FSTL5: variants seen among roughly 807,000 people sequenced by gnomAD.
The protein encoded by FSTL5 is follistatin-related protein 5.
FSTL5 carries 62 observed loss-of-function variants against 89.1 expected under a neutral mutation model. The observed-to-expected ratio is 0.70, with a 90% CI of 0.57 to 0.86. The LOEUF is 0.86. Among genes scored for constraint, FSTL5 ranks in the 40% least tolerant of loss-of-function variants. The probability of loss-of-function intolerance (pLI) is 0.00; values close to 1 mark genes in which losing one functional copy is unlikely to be tolerated. For synonymous variants in FSTL5, 383 were observed against 346.2 expected, an observed-to-expected ratio of 1.11 and a Z score of -1.18; for missense variants, 1,057 against 1,001.6, an observed-to-expected ratio of 1.06 and a Z score of -0.75.
chr4:161,977,639 A>AAATAATAATAATAATAATAATAAT (rs70937700), intron 3 of FSTL5, among the ~76,000 whole-genome samples: 2 of 101,242 alleles, frequency 2.0e-5, no homozygotes, highest in Non-Finnish European at 3.8e-5. Flanking sequence ...AAAAAAAAAA[A>AAATAATAATAATAATAATAATAAT]AATAATAATA....
intron 3 of FSTL5, among the ~76,000 whole-genome samples, chr4:161,926,288 G>A (rs1261123651): frequency 1.3e-5 from 2 of 151,796 alleles, no homozygotes; most frequent in African/African-American, 4.8e-5. Context: ...CTTTTCAACG[G>A]TCACATAATC....
chr4:162,111,534 T>C, intron 1 of FSTL5, 122 bp from the exon 2 acceptor site: 1 of 664,548 alleles, frequency 1.5e-6, no homozygotes, highest in Middle Eastern at 3.4e-4. Context: ...TGCTGGTAGT[T>C]GCCAAGGGAA....
At chr4:161,747,740 A>G (rs1308011849) in intron 6 of FSTL5, among the ~76,000 whole-genome samples, 1 of 152,202 alleles carries the variant, frequency 6.6e-6, no homozygotes, top group Non-Finnish European at 1.5e-5. Flanking sequence ...CAATGAGTGC[A>G]TTGCAGATGA....
intron 12 of FSTL5, among the ~76,000 whole-genome samples, chr4:161,485,599 T>A (rs9685785): frequency 6.6e-6 from 1 of 151,928 alleles, no homozygotes; most frequent in South Asian, 2.1e-4. Flanking sequence ...GAATGAAATA[T>A]TTGCATACGT....
At chr4:161,607,634 G>A (rs1734500490) in intron 7 of FSTL5, among the ~76,000 whole-genome samples, 1 of 152,046 alleles carries the variant, frequency 6.6e-6, no homozygotes, top group African/African-American at 2.4e-5. Context: ...ATATCCTATG[G>A]GAATGGATAA....
At chr4:162,153,859 G>A (rs1251646916) in intron 1 of FSTL5, among the ~76,000 whole-genome samples, 3 of 148,066 alleles carry the variant, frequency 2.0e-5, no homozygotes, top group East Asian at 2.0e-4. Context: ...AGGCTGGAGT[G>A]CAATAGCATG....
intron 11 of FSTL5, among the ~76,000 whole-genome samples, chr4:161,509,846 G>T (rs1196199250): frequency 6.6e-6 from 1 of 152,096 alleles, no homozygotes; most frequent in Non-Finnish European, 1.5e-5. Flanking sequence ...ATATGAAAAT[G>T]GATACTGTTT....
chr4:162,016,216 G>A (rs1333645209), intron 3 of FSTL5, among the ~76,000 whole-genome samples: 1 of 151,964 alleles, frequency 6.6e-6, no homozygotes, highest in Non-Finnish European at 1.5e-5. Flanking sequence ...TCATGGTTTT[G>A]GCCAAAACTA....
At chr4:161,919,888 A>G (rs1336442749) in intron 4 of FSTL5, among the ~76,000 whole-genome samples, 2 of 152,198 alleles carry the variant, frequency 1.3e-5, no homozygotes, top group East Asian at 3.8e-4. Context: ...AAATTTAACT[A>G]TGGTTATCTC....
Position 161,921,283 on chromosome 4 carries a change from G to C in FSTL5, c.161-631C>G, listed in dbSNP as rs558642606. Among the ~76,000 whole-genome samples the C allele has an allele frequency of 7.2e-5, 11 of 152,214 alleles. No homozygotes were observed. In the South Asian group the frequency reaches 8.3e-4, roughly 11 times the overall value. On this transcript the variant is annotated intron_variant, in intron 3 of 15. Transcript: ENST00000306100. ...CCTTTGCCACCTGACAATCACTGAT[G>C]CATATCATGACTAAATCAACAAATC...
chr4:161,692,325 A>C (rs573198561), intron 6 of FSTL5, among the ~76,000 whole-genome samples: 2 of 135,558 alleles, frequency 1.5e-5, no homozygotes, highest in South Asian at 4.9e-4. Flanking sequence ...TTCCACGTCT[A>C]CTGAGATATG....
chr4:161,485,959 G>A (rs1266776751), intron 12 of FSTL5, among the ~76,000 whole-genome samples: 1 of 151,832 alleles, frequency 6.6e-6, no homozygotes, highest in East Asian at 1.9e-4. Flanking sequence ...CCAACATGGT[G>A]AAACCCCATC....
intron 4 of FSTL5, among the ~76,000 whole-genome samples, chr4:161,783,749 TTTCTTTCTTTCC>T (rs1741780372): frequency 1.7e-5 from 2 of 116,226 alleles, no homozygotes; most frequent in East Asian, 5.1e-4. Flanking sequence ...TCTTTCTTTC[TTTCTTTCTTTCC>T]TTCTTTCTCT....
intron 15 of FSTL5, among the ~76,000 whole-genome samples, chr4:161,432,969 C>T (rs139690786): frequency 8.6e-5 from 13 of 151,916 alleles, no homozygotes; most frequent in Middle Eastern, 6.8e-3. Flanking sequence ...GCCCAGGACC[C>T]AATGGCTTCA....
chr4:162,047,457 T>C (rs1738227042), intron 2 of FSTL5: 1 of 152,072 alleles, frequency 6.6e-6, no homozygotes, highest in African/African-American at 2.4e-5. Flanking sequence ...ATGACGGTTG[T>C]GCCATGCAGA....
intron 3 of FSTL5, among the ~76,000 whole-genome samples, chr4:161,927,847 TAA>T (rs1247312345): frequency 5.3e-5 from 8 of 151,734 alleles, no homozygotes; most frequent in African/African-American, 1.9e-4. Context: ...TTTTTTAAAT[TAA>T]GAGACTGTTT....
intron 15 of FSTL5, among the ~76,000 whole-genome samples, chr4:161,426,634 C>G (rs1732176046): frequency 6.6e-6 from 1 of 152,120 alleles, no homozygotes; most frequent in Non-Finnish European, 1.5e-5. Flanking sequence ...ACTCTGTTGC[C>G]CAGGCTTGAG....
chr4:162,042,516 C>A (rs1244598715), intron 2 of FSTL5, among the ~76,000 whole-genome samples: 1 of 151,746 alleles, frequency 6.6e-6, no homozygotes, highest in Non-Finnish European at 1.5e-5. Flanking sequence ...TCATTTAGGG[C>A]AGAAAAGATA....
intron 3 of FSTL5, among the ~76,000 whole-genome samples, chr4:162,003,878 G>A (rs1298662202): frequency 6.6e-6 from 1 of 152,032 alleles, no homozygotes; most frequent in Non-Finnish European, 1.5e-5. Flanking sequence ...ATAGATATAG[G>A]TAGTTTGTGC....
Sources: allele counts gnomAD v4.1 joint callset (sites outside exome capture counted in the v4.1 genomes callset), GRCh38; gene constraint gnomAD v4.1.1; transcripts MANE v1.5; gene names NCBI Gene and HGNC (gene_info 2026-07-23, HGNC 2026-07-21).